The following PLEKHG2 variants were observed in gnomAD, a reference collection of about 807,000 sequenced individuals.
PLEKHG2 encodes pleckstrin homology and RhoGEF domain containing G2, also known as pleckstrin homology domain-containing family G member 2.
Under a neutral mutation model 104.4 loss-of-function variants are expected in PLEKHG2, and 71 were observed. The ratio of observed to expected loss-of-function variants is 0.68; its 90% CI spans 0.56 to 0.83. The LOEUF (loss-of-function observed/expected upper bound fraction) is 0.83. Among genes scored for constraint, PLEKHG2 ranks in the 40% least tolerant of loss-of-function variants. The probability of loss-of-function intolerance (pLI) is 0.00; values close to 1 mark genes in which losing one functional copy is unlikely to be tolerated. For missense variants in PLEKHG2, 1,730 were observed against 1,809.4 expected (o/e 0.96, Z 0.80); for synonymous variants, 728 against 737.0 (o/e 0.99, Z 0.20).
intron 11 of PLEKHG2, 71 bp downstream of exon 11, chr19:39,419,074 G>GT (rs2078656243): frequency 1.5e-6 from 2 of 1,357,610 alleles, no homozygotes; most frequent in Non-Finnish European, 2.0e-6. Flanking sequence ...ACTAAGAGAC[G>GT]CCCCTGCCCA....
rs2078710313 is a variant in PLEKHG2 at position 39,422,250 on chromosome 19, C to T, written c.1639C>T (p.Leu547=). ...TGGGACCTCAATCACTGAAGAAATC[C>T]TGGAACTGCTGAATCAGCGAGGCCT... is the stretch of plus-strand genomic sequence containing the variant. ...PSGTSITEEI[L]ELLNQRGLRD... Residue 547 remains leucine (L), a synonymous_variant, in exon 17 of 19, where the codon CTG becomes TTG. Transcript: ENST00000425673. The T allele has an allele frequency of 6.2e-7, 1 of 1,613,570 alleles. No homozygotes were observed. The highest frequency in any genetic ancestry group is 1.3e-5 in the African/African-American group (1 of 75,024).
rs752898580 is a variant in PLEKHG2 at position 39,416,359 on chromosome 19, A to G, written c.491A>G (p.Glu164Gly). The change falls in exon 5 of 19, where the codon GAG becomes GGG. Residue 164 changes from glutamate (E) to glycine (G), a missense_variant. Coordinates refer to ENST00000425673, the MANE Select transcript of PLEKHG2 (RefSeq NM_022835.3). This position sits in a 1 kb window ranked among gnomAD's most constrained non-coding sequence, Gnocchi z 4.5. Reference protein sequence around the residue: ...DIYEFSSELLEDLENSSSAGG... With the variant: ...DIYEFSSELLGDLENSSSAGG... ...CCTCTCCCCTGTAGCGAGCTCCTGG[A>G]GGACTTGGAGAACAGCAGCAGCGCC... 4 of 1,612,508 alleles carry G rather than the reference A, an allele frequency of 2.5e-6. No homozygotes were observed. The South Asian group carries it at 4.4e-5, about 18-fold the overall frequency.
rs888374497 is a variant in PLEKHG2, at chr19:39,416,743, G to A, written c.594-107G>A. 2.1e-5 allele frequency: 30 copies of A among 1,454,390 alleles called. No homozygotes were observed. The African/African-American group carries it at 2.2e-4, about 11-fold the overall frequency. The allele number at this position is 1,454,390 out of a possible 1,614,324, so 90.1% of individuals were successfully genotyped here. A position where few individuals can be genotyped will look rare whatever the true frequency, so the allele number is the denominator to read the frequency against. On this transcript the variant is annotated intron_variant, in intron 6 of 18. Transcript: ENST00000425673. This position sits in a 1 kb window ranked among gnomAD's most constrained non-coding sequence, Gnocchi z 4.5. Reference sequence around the variant, plus strand: ...TAACTGACCTCTCCCTCACTGCCCCGCCCCCTGTCAGACCCTGACCCTTCC... The same window carrying A: ...TAACTGACCTCTCCCTCACTGCCCCACCCCCTGTCAGACCCTGACCCTTCC...
In PLEKHG2 at chr19:39,423,770, G is replaced by C; in HGVS notation, c.2637G>C (p.Glu879Asp). ...CCTTTGGACACGTGCTGGTATGTGA[G>C]CTGGCCTTCCCACTGACATGTGCCC... is the stretch of plus-strand genomic sequence containing the variant. ...LPAFGHVLVC[E>D]LAFPLTCAQE... is the part of the protein sequence containing the mutation. The change falls in exon 19 of 19, where the codon GAG (glutamate) becomes GAC (aspartate). Residue 879 changes from glutamate (E) to aspartate (D), a missense_variant. Glu to Asp is a conservative substitution (Grantham distance 45). Transcript: ENST00000425673. The C allele has an allele frequency of 6.2e-7, 1 of 1,613,900 alleles. No homozygotes were observed. Among genetic ancestry groups the C allele is most frequent in the Non-Finnish European group, 8.5e-7 (1 of 1,179,808 alleles).
At position 39,413,950 on chromosome 19, in the gene PLEKHG2, C is replaced by T. The variant is rs1271179608; in HGVS notation, c.-22-115C>T. On this transcript the variant is annotated intron_variant, in intron 1 of 18. Coordinates refer to ENST00000425673, the MANE Select transcript of PLEKHG2 (RefSeq NM_022835.3). This position sits in a 1 kb window ranked among gnomAD's most constrained non-coding sequence, Gnocchi z 4.5. The stretch of plus-strand genomic sequence containing the variant: ...TTGTGCCTCCCCCATTAGTTACTCC[C>T]AGGGGCCCCTCCCTGGATTTACACC... The T allele has an allele frequency of 4.6e-6, 3 of 648,054 alleles. No homozygotes were observed. Among genetic ancestry groups the T allele is most frequent in the Non-Finnish European group, 7.9e-6 (3 of 381,580 alleles). The allele number at this position is 648,054 out of a possible 1,614,324, so 40.1% of individuals were successfully genotyped here.
chr19:39,423,110 A>C lies in PLEKHG2; in HGVS notation c.2056A>C (p.Thr686Pro). Residue 686 changes from threonine to proline, a missense_variant, in exon 18 of 19, where the codon ACT becomes CCT. Transcript: ENST00000425673. Reference protein sequence around the residue: ...SVPNTPSLSSTPTLSCDSWLQ... With the variant: ...SVPNTPSLSSPPTLSCDSWLQ... ...CCCCAACACCCCCAGTCTGTCTAGC[A>C]CTCCCACCCTCTCCTGTGACTCCTG... 1 of 1,613,510 alleles carries C rather than the reference A, an allele frequency of 6.2e-7. No individual in the cohort carries two copies. Among genetic ancestry groups the C allele is most frequent in the South Asian group, 1.1e-5 (1 of 91,042 alleles).
chr19:39,422,741 C>T lies in PLEKHG2; in HGVS notation c.1687C>T (p.His563Tyr). 1 of 1,522,174 alleles carries T rather than the reference C, an allele frequency of 6.6e-7. No homozygotes were observed. 94.3% of individuals were successfully genotyped at this position (1,522,174 alleles called of 1,614,324 possible). A position where few individuals can be genotyped will look rare whatever the true frequency, so the allele number is the denominator to read the frequency against. The change falls in exon 18 of 19, where the codon CAT (histidine) becomes TAT (tyrosine). Residue 563 changes from histidine (H) to tyrosine (Y), a missense_variant. Physicochemically the swap from His to Tyr is moderately conservative, Grantham distance 83. Coordinates refer to ENST00000425673, the MANE Select transcript of PLEKHG2 (RefSeq NM_022835.3). Reference sequence around the variant, plus strand: ...CCTGTGCCCACTATAGCCGTCCACCCATGACATTCCCAAGTTCCCCGGAGA... The same window carrying T: ...CCTGTGCCCACTATAGCCGTCCACCTATGACATTCCCAAGTTCCCCGGAGA... ...RGLRDPGPSTHDIPKFPGDSQ... is the reference protein window; with the variant it reads ...RGLRDPGPSTYDIPKFPGDSQ...
In PLEKHG2 at chr19:39,413,451, G is replaced by C. The variant is rs949678149; in HGVS notation, c.-23+39G>C. ...CGAGGGGCCCAGGCGGACTGGGGGA[G>C]GGGGCGGCGCCACTGCTGAACAATG... On this transcript the variant is annotated intron_variant, in intron 1 of 18. Transcript: ENST00000425673. This position sits in a 1 kb window ranked among gnomAD's most constrained non-coding sequence, Gnocchi z 4.5. The C allele has an allele frequency of 8.5e-5, 13 of 152,162 alleles. No individual in the cohort carries two copies. The highest frequency in any genetic ancestry group is 7.2e-4 in the Admixed American group (11 of 15,288). 9.4% of individuals were successfully genotyped at this position (152,162 alleles called of 1,614,324 possible).
At chr19:39,419,080 G>T in intron 11 of PLEKHG2, 77 bp downstream of exon 11, 1 of 1,313,810 alleles carries the variant, frequency 7.6e-7, no homozygotes, top group Non-Finnish European at 1.0e-6. Context: ...AGACGCCCCT[G>T]CCCAATGCCA....
In PLEKHG2 at chr19:39,420,665, T is replaced by G; in HGVS notation, c.1297+6T>G. On this transcript the variant is annotated splice_donor_region_variant and intron_variant, in intron 12 of 18. Coordinates refer to ENST00000425673, the MANE Select transcript of PLEKHG2 (RefSeq NM_022835.3). ...CCTTGAAAACAGCCTGCATTGTGAG[T>G]TGGGGCCTTGGGCTGGGAGGGTGTG... 3 of 1,614,078 alleles carry G rather than the reference T, an allele frequency of 1.9e-6. No individual in the cohort carries two copies. Among genetic ancestry groups the G allele is most frequent in the Non-Finnish European group, 2.5e-6 (3 of 1,179,998 alleles).
intron 7 of PLEKHG2, 34 bp from the exon 8 acceptor site, chr19:39,417,521 C>T (rs758801242): frequency 1.2e-6 from 2 of 1,609,304 alleles, no homozygotes; most frequent in South Asian, 1.1e-5. Context: ...CTGTTTCTCT[C>T]CCCATCCCTG....
chr19:39,417,087 C>T, intron 7 of PLEKHG2, 87 bp downstream of exon 7: 1 of 1,442,210 alleles, frequency 6.9e-7, no homozygotes. Context: ...ATGGACCCCC[C>T]ACGAGTTGGG....
intron 11 of PLEKHG2, 56 bp downstream of exon 11, chr19:39,419,059 A>G: frequency 6.0e-6 from 9 of 1,487,944 alleles, no homozygotes; most frequent in South Asian, 3.7e-5. Context: ...CCCTCCCCCA[A>G]TAGTACTAAG....
Position 39,425,299 on chromosome 19 carries a change from G to A in PLEKHG2, c.*5G>A, listed in dbSNP as rs769253842. 1.3e-6 allele frequency: 2 copies of A among 1,598,706 alleles called. No homozygotes were observed. The highest frequency in any genetic ancestry group is 1.7e-6 in the Non-Finnish European group (2 of 1,175,758). ...GATGCCCCCTTCCACATGTGAGCCA[G>A]GACATGAGGCTTCCCTGAAGCAAGG... On this transcript the variant is annotated 3_prime_UTR_variant, in exon 19 of 19. Transcript: ENST00000425673.
At chr19:39,420,534 C>T (rs932230931) in intron 11 of PLEKHG2, 92 bp from the exon 12 acceptor site, 9 of 1,537,430 alleles carry the variant, frequency 5.9e-6, no homozygotes, top group Non-Finnish European at 8.1e-6. Context: ...AAAAACAGCA[C>T]CCATTAATGG....
At position 39,423,365 on chromosome 19, in the gene PLEKHG2, TG is replaced by T. The variant is rs1281196961; in HGVS notation, c.2313del (p.Trp771CysfsTer19). On this transcript the variant is annotated frameshift_variant, in exon 18 of 19. Coordinates refer to ENST00000425673, the MANE Select transcript of PLEKHG2 (RefSeq NM_022835.3). LOFTEE classifies it high-confidence loss of function. The part of the protein sequence containing the change: ...FRSCSEIRSA[W>X]QALEQGQLAR... ...CTCTTGCTCAGAAATCCGGAGCGCC[TG>T]GCAGGCATTGGAACAGGGACAGCTG... 1 of 1,613,176 alleles carries T rather than the reference TG, an allele frequency of 6.2e-7. No individual in the cohort carries two copies. The highest frequency in any genetic ancestry group is 2.2e-5 in the East Asian group (1 of 44,876).
rs1390329311 is a variant in PLEKHG2, at chr19:39,424,294, C to T, written c.3161C>T (p.Pro1054Leu). The change falls in exon 19 of 19, where the codon CCA (proline) becomes CTA (leucine). Residue 1054 changes from proline to leucine, a missense_variant. By Grantham distance (98) the Pro-to-Leu change is moderately conservative (BLOSUM62 -3). Transcript: ENST00000425673. ...GACAGCGAGAGCCCAACCAATATCC[C>T]ACTGACAAAGCAAGGAGGTTCCAGG... is the stretch of plus-strand genomic sequence containing the variant. ...HLDSESPTNI[P>L]LTKQGGSRDV... The T allele has an allele frequency of 6.2e-7, 1 of 1,614,006 alleles. No homozygotes were observed. The highest frequency in any genetic ancestry group is 1.3e-5 in the African/African-American group (1 of 74,888).
chr19:39,414,857 G>A, intron 2 of PLEKHG2, 135 bp from the exon 3 acceptor site: 1 of 1,027,844 alleles, frequency 9.7e-7, no homozygotes, highest in Non-Finnish European at 1.4e-6. Flanking sequence ...AGACAGGGCA[G>A]TGGGGAGAGG....
intron 9 of PLEKHG2, 115 bp downstream of exon 9, chr19:39,418,220 A>G (rs994743862): frequency 2.2e-6 from 2 of 918,222 alleles, no homozygotes; most frequent in African/African-American, 1.7e-5. Context: ...TTCTTGAGTT[A>G]GAGAATGGAA....
Sources: allele counts gnomAD v4.1 joint callset, GRCh38; gene constraint gnomAD v4.1.1; non-coding constraint Gnocchi (gnomAD v3.1); transcripts MANE v1.5; gene names NCBI Gene and HGNC (gene_info 2026-07-23, HGNC 2026-07-21).